MCC: variants seen among roughly 807,000 people sequenced by gnomAD.
MCC encodes the protein MCC regulator of Wnt signaling pathway.
Under a neutral mutation model 116.2 loss-of-function variants are expected in MCC, and 90 were observed. The ratio of observed to expected loss-of-function variants is 0.77; its 90% CI spans 0.65 to 0.92. MCC has a LOEUF of 0.92. Ranked by LOEUF, MCC falls within the 40% of genes least tolerant of loss-of-function variation. The pLI, the probability that MCC is intolerant of heterozygous loss-of-function variation, is 0.00. For missense variants in MCC, 1,516 were observed against 1,312.2 expected, an observed-to-expected ratio of 1.16 and a Z score of -2.40; for synonymous variants, 578 against 510.5, an observed-to-expected ratio of 1.13 and a Z score of -1.78.
intron 8 of MCC, among the ~76,000 whole-genome samples, chr5:113,099,578 C>T (rs1756267614): frequency 6.6e-6 from 1 of 152,158 alleles, no homozygotes; most frequent in Admixed American, 6.5e-5. Context: ...TATTATTGTC[C>T]CACTTCGTGG....
At chr5:113,166,724 A>C (rs1204353621) in intron 3 of MCC, among the ~76,000 whole-genome samples, 1 of 106,294 alleles carries the variant, frequency 9.4e-6, no homozygotes, top group Non-Finnish European at 1.9e-5. Flanking sequence ...AAAAAAAAAC[A>C]ACCAAAAAAC....
chr5:113,093,930 G>A (rs11746908), intron 8 of MCC, among the ~76,000 whole-genome samples: 44,307 of 152,016 alleles, frequency 0.29, 6,580 homozygotes, highest in Middle Eastern at 0.34. Context: ...TAATTTCACT[G>A]TGTAATGGAG....
intron 14 of MCC, among the ~76,000 whole-genome samples, chr5:113,061,151 C>T (rs1194430126): frequency 6.6e-6 from 1 of 152,228 alleles, no homozygotes; most frequent in South Asian, 2.1e-4. Context: ...TGAGTGGCCA[C>T]ACAGGCAGCA....
chr5:113,386,909 T>C (rs1769274030), intron 1 of MCC, among the ~76,000 whole-genome samples: 1 of 152,066 alleles, frequency 6.6e-6, no homozygotes, highest in Non-Finnish European at 1.5e-5. Context: ...TAGTCCTAAT[T>C]TTTCATTATC....
intron 1 of MCC, among the ~76,000 whole-genome samples, chr5:113,470,026 T>C (rs12655003): frequency 0.37 from 55,666 of 151,904 alleles, 12,778 homozygotes; most frequent in East Asian, 0.69. Context: ...TTGTTTTCCA[T>C]TTGCTTGGTA....
chr5:113,062,464 G>A (rs6890872), intron 14 of MCC, among the ~76,000 whole-genome samples: 93,469 of 152,114 alleles, frequency 0.61, 32,204 homozygotes, highest in Admixed American at 0.77. Flanking sequence ...CAAATGATCC[G>A]TAGCACAAAC....
At chr5:113,247,683 G>T (rs1764628369) in intron 3 of MCC, among the ~76,000 whole-genome samples, 1 of 152,144 alleles carries the variant, frequency 6.6e-6, no homozygotes, top group Non-Finnish European at 1.5e-5. Context: ...CCGGTCCACA[G>T]AGGGACAGAT....
chr5:113,388,756 G>C (rs1021189771), intron 1 of MCC, among the ~76,000 whole-genome samples: 1 of 152,182 alleles, frequency 6.6e-6, no homozygotes, highest in Non-Finnish European at 1.5e-5. Flanking sequence ...CCCAGCCTCA[G>C]GTGTTTCTTT....
intron 1 of MCC, among the ~76,000 whole-genome samples, chr5:113,391,417 T>TA (rs2150395489): frequency 6.6e-6 from 1 of 152,254 alleles, no homozygotes; most frequent in East Asian, 1.9e-4. Context: ...AGATATTGTC[T>TA]AAAGTTGGTA....
intron 2 of MCC, among the ~76,000 whole-genome samples, chr5:113,350,963 T>C (rs1768252892): frequency 6.6e-6 from 1 of 152,078 alleles, no homozygotes; most frequent in Non-Finnish European, 1.5e-5. Context: ...ATCAGAGCAA[T>C]GCAAATCAAA....
At chr5:113,364,191 A>G (rs1212057968) in intron 2 of MCC, among the ~76,000 whole-genome samples, 1 of 143,490 alleles carries the variant, frequency 7.0e-6, no homozygotes, top group African/African-American at 2.6e-5. Context: ...AGATTGCGTC[A>G]CTGCACTCCA....
intron 1 of MCC, among the ~76,000 whole-genome samples, chr5:113,391,839 G>T (rs1260203884): frequency 6.6e-6 from 1 of 152,210 alleles, no homozygotes; most frequent in African/African-American, 2.4e-5. Flanking sequence ...TGCCTCTGGG[G>T]ACTGGGCATG....
At chr5:113,210,035 CGTT>C (rs1300561162) in intron 3 of MCC, among the ~76,000 whole-genome samples, 2 of 152,130 alleles carry the variant, frequency 1.3e-5, no homozygotes, top group African/African-American at 4.8e-5. Context: ...TATGTTTGAG[CGTT>C]GTTGTTCTCT....
intron 3 of MCC, among the ~76,000 whole-genome samples, chr5:113,175,692 T>A (rs1761296879): frequency 6.6e-6 from 1 of 152,154 alleles, no homozygotes; most frequent in Non-Finnish European, 1.5e-5. Context: ...ATTGTTTTGG[T>A]GTACCCCCAG....
intron 3 of MCC, among the ~76,000 whole-genome samples, chr5:113,266,737 T>C (rs1031399531): frequency 2.6e-5 from 4 of 152,104 alleles, no homozygotes; most frequent in African/African-American, 7.2e-5. Flanking sequence ...GCACACCTTG[T>C]TGTATACAAA....
chr5:113,464,485 C>T (rs1771840868), intron 1 of MCC, among the ~76,000 whole-genome samples: 3 of 152,160 alleles, frequency 2.0e-5, no homozygotes, highest in Admixed American at 1.3e-4. Flanking sequence ...AAATTATTCT[C>T]TCATCAAGGT....
chr5:113,224,748 G>A (rs1228863696), intron 3 of MCC, among the ~76,000 whole-genome samples: 1 of 152,142 alleles, frequency 6.6e-6, no homozygotes, highest in Non-Finnish European at 1.5e-5. Flanking sequence ...GGCCATGTGT[G>A]GTTGCTACTA....
At chr5:113,099,012 G>A (rs1394504653) in intron 8 of MCC, among the ~76,000 whole-genome samples, 1 of 152,080 alleles carries the variant, frequency 6.6e-6, no homozygotes, top group Non-Finnish European at 1.5e-5. Flanking sequence ...GATCCCTCCT[G>A]AGGGAAATAA....
At chr5:113,162,217 G>C (rs10900682) in intron 3 of MCC, among the ~76,000 whole-genome samples, 1 of 152,166 alleles carries the variant, frequency 6.6e-6, no homozygotes, top group Non-Finnish European at 1.5e-5. Flanking sequence ...AAAATGAAGA[G>C]AATGGGAAAG....
Sources: allele counts gnomAD v4.1 joint callset (sites outside exome capture counted in the v4.1 genomes callset), GRCh38; gene constraint gnomAD v4.1.1; transcripts MANE v1.5; gene names NCBI Gene and HGNC (gene_info 2026-07-23, HGNC 2026-07-21).